The following ABTB3 variants were observed in gnomAD, a reference collection of about 807,000 sequenced individuals.
ABTB3 encodes the protein ankyrin repeat- and BTB/POZ domain-containing protein 3.
chr12:107,616,998 G>A, the ABTB3 span: 1 of 1,314,052 alleles, frequency 7.6e-7, no homozygotes, highest in Non-Finnish European at 1.1e-6. Context: ...GGGAAGGAGT[G>A]CTGGCATCTC....
the ABTB3 span, among the ~76,000 whole-genome samples, chr12:107,477,812 A>G: frequency 6.6e-6 from 1 of 152,200 alleles, no homozygotes; most frequent in Non-Finnish European, 1.5e-5. Context: ...AATAAATGAT[A>G]GACCATTCTA....
the ABTB3 span, among the ~76,000 whole-genome samples, chr12:107,417,783 G>A: frequency 6.6e-6 from 1 of 152,166 alleles, no homozygotes; most frequent in Non-Finnish European, 1.5e-5. Context: ...TGAGTCCCAC[G>A]CCCCCTCTGA....
chr12:107,534,272 C>A, the ABTB3 span, among the ~76,000 whole-genome samples: 1 of 150,034 alleles, frequency 6.7e-6, no homozygotes, highest in African/African-American at 2.4e-5. Flanking sequence ...ACATAACATA[C>A]CAAGATCTAT....
At chr12:107,633,834 T>C in the ABTB3 span, among the ~76,000 whole-genome samples, 1 of 152,226 alleles carries the variant, frequency 6.6e-6, no homozygotes, top group South Asian at 2.1e-4. Context: ...AATACGCAGA[T>C]GCCTGGGCCT....
At chr12:107,465,256 A>G in the ABTB3 span, among the ~76,000 whole-genome samples, 12 of 152,182 alleles carry the variant, frequency 7.9e-5, no homozygotes, top group African/African-American at 2.9e-4. Flanking sequence ...ACAGCCCACA[A>G]CAACACAGCG....
At chr12:107,542,806 C>G in the ABTB3 span, among the ~76,000 whole-genome samples, 1 of 151,984 alleles carries the variant, frequency 6.6e-6, no homozygotes, top group Non-Finnish European at 1.5e-5. Flanking sequence ...ATTAAGGAAA[C>G]CATAAGGAAG....
the ABTB3 span, among the ~76,000 whole-genome samples, chr12:107,554,168 T>C: frequency 6.6e-6 from 1 of 152,230 alleles, no homozygotes; most frequent in Non-Finnish European, 1.5e-5. Context: ...ATGTCTCACC[T>C]GCAGATGAGA....
At chr12:107,375,112 G>T in the ABTB3 span, among the ~76,000 whole-genome samples, 684 of 152,262 alleles carry the variant, frequency 4.5e-3, no homozygotes, top group Admixed American at 6.5e-3. Context: ...AGTGTTAGGG[G>T]TTCCCTTTAA....
chr12:107,445,501 G>C, the ABTB3 span, among the ~76,000 whole-genome samples: 23 of 152,090 alleles, frequency 1.5e-4, no homozygotes, highest in Admixed American at 7.2e-4. Context: ...GCTGAGGAGT[G>C]GTGCCCAGGG....
chr12:107,403,258 C>T, the ABTB3 span, among the ~76,000 whole-genome samples: 1 of 152,210 alleles, frequency 6.6e-6, no homozygotes, highest in African/African-American at 2.4e-5. Context: ...TCATATCGCC[C>T]ATGGCCCATT....
At chr12:107,581,225 T>C in the ABTB3 span, 4 of 1,535,576 alleles carry the variant, frequency 2.6e-6, no homozygotes, top group South Asian at 4.8e-5. Flanking sequence ...CCGCCGCAGC[T>C]TCTCCATGGA....
At chr12:107,551,703 T>C in the ABTB3 span, among the ~76,000 whole-genome samples, 1 of 152,216 alleles carries the variant, frequency 6.6e-6, no homozygotes, top group Non-Finnish European at 1.5e-5. Flanking sequence ...GAAAATAGTA[T>C]TTGGCCCTTC....
chr12:107,426,091 G>A, the ABTB3 span, among the ~76,000 whole-genome samples: 1 of 151,994 alleles, frequency 6.6e-6, no homozygotes, highest in African/African-American at 2.4e-5. Flanking sequence ...CATAAATGCT[G>A]GCATCTCCTT....
the ABTB3 span, chr12:107,319,264 G>C: frequency 6.4e-7 from 1 of 1,551,002 alleles, no homozygotes; most frequent in African/African-American, 1.4e-5. Flanking sequence ...AGGCGCTGCT[G>C]CTGCGTTCGC....
the ABTB3 span, among the ~76,000 whole-genome samples, chr12:107,498,060 A>G: frequency 6.6e-6 from 1 of 152,206 alleles, no homozygotes; most frequent in South Asian, 2.1e-4. Flanking sequence ...CTGGCCCACA[A>G]AGTGATGTCT....
chr12:107,655,980 A>T, the ABTB3 span, among the ~76,000 whole-genome samples: 1 of 152,154 alleles, frequency 6.6e-6, no homozygotes, highest in Non-Finnish European at 1.5e-5. Flanking sequence ...AGCTGTATTC[A>T]TCAGAATATA....
At chr12:107,374,546 G>A in the ABTB3 span, among the ~76,000 whole-genome samples, 5 of 152,152 alleles carry the variant, frequency 3.3e-5, no homozygotes, top group Admixed American at 1.3e-4. Context: ...AGTGAGCTCC[G>A]TGGCCCCACC....
chr12:107,519,713 A>G, the ABTB3 span, among the ~76,000 whole-genome samples: 1 of 152,216 alleles, frequency 6.6e-6, no homozygotes, highest in Non-Finnish European at 1.5e-5. Flanking sequence ...CGTGTTTGTT[A>G]ACATAGCTTT....
the ABTB3 span, among the ~76,000 whole-genome samples, chr12:107,355,187 C>T: frequency 2.0e-5 from 3 of 152,202 alleles, no homozygotes; most frequent in South Asian, 2.1e-4. Flanking sequence ...CAGGAGACTC[C>T]GCCTTTTCCT....
Sources: allele counts gnomAD v4.1 joint callset (sites outside exome capture counted in the v4.1 genomes callset), GRCh38; gene constraint gnomAD v4.1.1; transcripts MANE v1.5; gene names NCBI Gene and HGNC (gene_info 2026-07-23, HGNC 2026-07-21).